Variants in RTTN observed in about 807,000 individuals in gnomAD.
RTTN encodes the protein rotatin.
RTTN carries 182 observed loss-of-function variants against 269.2 expected under a neutral mutation model. The observed-to-expected ratio is 0.68, with a 90% CI of 0.60 to 0.76. RTTN has a LOEUF of 0.76. Ranked by LOEUF, RTTN falls within the 30% of genes least tolerant of loss-of-function variation. The pLI, the probability that RTTN is intolerant of heterozygous loss-of-function variation, is 0.00. For synonymous variants in RTTN, 1,006 were observed against 963.5 expected (o/e 1.04, Z -0.82); for missense variants, 2,545 against 2,608.6 (o/e 0.98, Z 0.53).
rs1031981118 is a variant in RTTN, at chr18:70,173,955, T to C, written c.1476+2720A>G. Among the ~76,000 whole-genome samples, 9 of 152,190 alleles carry C rather than the reference T, an allele frequency of 5.9e-5. No homozygotes were observed. The South Asian group carries it at 1.2e-3, about 21-fold the overall frequency. On this transcript the variant is annotated intron_variant, in intron 11 of 48. Transcript: ENST00000640769. ...TTAAACAACATTCAAAACAGGCCAA[T>C]TGATCTATAGTGACAGAAGTCAGAA...
intron 18 of RTTN, among the ~76,000 whole-genome samples, chr18:70,145,064 T>C (rs768952659): frequency 1.3e-5 from 2 of 152,222 alleles, no homozygotes; most frequent in African/African-American, 4.8e-5. Context: ...CTCCACCTCC[T>C]GTCAGATCAG....
At chr18:70,005,987 C>T (rs1467925217) in intron 47 of RTTN, 1 of 161,888 alleles carries the variant, frequency 6.2e-6, no homozygotes, top group Admixed American at 6.2e-5. Flanking sequence ...TGCAGTCGTA[C>T]AAGAACTGAG....
intron 12 of RTTN, 64 bp downstream of exon 12, chr18:70,168,791 G>T: frequency 8.2e-7 from 1 of 1,223,382 alleles, no homozygotes; most frequent in Non-Finnish European, 1.2e-6. Flanking sequence ...AATTTGAAAA[G>T]TATAGATTAA....
rs541090043 is a variant in RTTN, at chr18:70,067,313, C to T, written c.4654-1391G>A. 3.1e-4 allele frequency among the ~76,000 whole-genome samples: 47 copies of T among 152,232 alleles called. No homozygotes were observed. In the East Asian group the frequency reaches 8.1e-3, roughly 26 times the overall value. ...TAGCTGGGACTACAGGCGCCCGCCACCACGCCCGGCTAATTTTTTGTATTT... is the reference window on the plus strand; with the variant it reads ...TAGCTGGGACTACAGGCGCCCGCCATCACGCCCGGCTAATTTTTTGTATTT... On this transcript the variant is annotated intron_variant, in intron 34 of 48. Transcript: ENST00000640769.
chr18:70,094,742 G>A (rs1335155658), intron 28 of RTTN, among the ~76,000 whole-genome samples: 1 of 152,166 alleles, frequency 6.6e-6, no homozygotes, highest in African/African-American at 2.4e-5. Context: ...ATGTGGTGCT[G>A]AGAAGAATGT....
chr18:70,075,564 G>A, intron 32 of RTTN, 23 bp from the exon 33 acceptor site: 1 of 1,524,514 alleles, frequency 6.6e-7, no homozygotes, highest in Admixed American at 2.4e-5. Context: ...AGGGAAAGAA[G>A]GAGGAGACAC....
chr18:70,147,779 T>A (rs985352531), intron 17 of RTTN, among the ~76,000 whole-genome samples: 4 of 152,146 alleles, frequency 2.6e-5, no homozygotes, highest in African/African-American at 7.2e-5. Context: ...TGCCTTAGAA[T>A]GTCTTTATTA....
At chr18:70,147,482 A>T (rs906044900) in intron 17 of RTTN, among the ~76,000 whole-genome samples, 22 of 152,142 alleles carry the variant, frequency 1.4e-4, no homozygotes, top group African/African-American at 5.3e-4. Flanking sequence ...CAAGGACAAA[A>T]TCACCTAACA....
intron 26 of RTTN, among the ~76,000 whole-genome samples, chr18:70,120,031 G>C (rs2059695564): frequency 6.6e-6 from 1 of 152,156 alleles, no homozygotes; most frequent in African/African-American, 2.4e-5. Flanking sequence ...AGTATTGAGA[G>C]GTGGGGCCTT....
chr18:70,159,074 C>T (rs936804833), intron 14 of RTTN, among the ~76,000 whole-genome samples: 4 of 152,176 alleles, frequency 2.6e-5, no homozygotes, highest in Admixed American at 1.3e-4. Context: ...CTAAACTCGA[C>T]ACCTGACCAA....
intron 10 of RTTN, among the ~76,000 whole-genome samples, chr18:70,180,751 T>C (rs1437909210): frequency 6.6e-6 from 1 of 152,188 alleles, no homozygotes; most frequent in Admixed American, 6.5e-5. Flanking sequence ...AGGGTCATGA[T>C]AATTAAATGA....
At position 70,168,753 on chromosome 18, in the gene RTTN, C is replaced by A. The variant is rs2061057481; in HGVS notation, c.1689+102G>T. The A allele has an allele frequency of 7.1e-6, 6 of 844,504 alleles. No homozygotes were observed. In the South Asian group the frequency reaches 1.1e-4, roughly 15 times the overall value. 52.3% of individuals were successfully genotyped at this position (844,504 alleles called of 1,614,324 possible). ...ACCCACTCAGGAATAATGTATCCCA[C>A]CTGTGACAATTTAATTATATGTCCA... On this transcript the variant is annotated intron_variant, in intron 12 of 48. Transcript: ENST00000640769.
intron 8 of RTTN, chr18:70,192,966 A>G (rs1032135543): frequency 2.9e-5 from 6 of 204,770 alleles, no homozygotes; most frequent in African/African-American, 1.4e-4. Context: ...AATATAGTTC[A>G]GTGTGTCAAA....
Position 70,197,687 on chromosome 18 carries a change from C to A in RTTN, c.630G>T (p.Leu210Phe). ...HTLIWNTCEL[L>F]KDVIMQDFPA... ...GAAAATCTTGCATGATAACATCCTTCAATAGTTCACAGGTGTTCCAGATTA... is the reference window on the plus strand; with the variant it reads ...GAAAATCTTGCATGATAACATCCTTAAATAGTTCACAGGTGTTCCAGATTA... The change falls in exon 6 of 49, where the codon TTG becomes TTT. Residue 210 changes from leucine (L) to phenylalanine (F), a missense_variant. Transcript: ENST00000640769. The A allele has an allele frequency of 6.2e-7, 1 of 1,613,890 alleles. No individual in the cohort carries two copies.
intron 32 of RTTN, among the ~76,000 whole-genome samples, chr18:70,077,984 C>A (rs2058471635): frequency 6.6e-6 from 1 of 150,680 alleles, no homozygotes; most frequent in Admixed American, 6.6e-5. Flanking sequence ...ATATAACACA[C>A]AAAAAAAGGA....
intron 23 of RTTN, chr18:70,131,649 C>G (rs1020099215): frequency 6.6e-6 from 1 of 151,600 alleles, no homozygotes; most frequent in African/African-American, 2.4e-5. Context: ...CAAGACTAGC[C>G]TGGGCAACAA....
At chr18:70,057,959 A>G in intron 36 of RTTN, 127 bp from the exon 37 acceptor site, 1 of 569,714 alleles carries the variant, frequency 1.8e-6, no homozygotes, top group Admixed American at 3.3e-5. Context: ...TTTATAAGCA[A>G]AGAAAATGTT....
chr18:70,156,301 C>A lies in RTTN; in HGVS notation c.1930-5568G>T, dbSNP rs187798936. 7.1e-3 allele frequency among the ~76,000 whole-genome samples: 1,080 copies of A among 152,146 alleles called. 10 individuals are homozygous for A. The highest frequency in any genetic ancestry group is 0.024 in the African/African-American group (1,015 of 41,494). On this transcript the variant is annotated intron_variant, in intron 14 of 48. Coordinates refer to ENST00000640769, the MANE Select transcript of RTTN (RefSeq NM_173630.4). The stretch of plus-strand genomic sequence containing the variant: ...CTTGGGTGTGGCCGTCTTCTATGGT[C>A]GAGACTGTAGGGGTGAAATAAGCCC...
intron 44 of RTTN, among the ~76,000 whole-genome samples, chr18:70,022,887 T>C (rs1212224764): frequency 6.6e-6 from 1 of 150,812 alleles, no homozygotes; most frequent in East Asian, 2.0e-4. Flanking sequence ...TGGTCATGGG[T>C]TTCTGCTTCT....
Sources: allele counts gnomAD v4.1 joint callset (sites outside exome capture counted in the v4.1 genomes callset), GRCh38; gene constraint gnomAD v4.1.1; transcripts MANE v1.5; gene names NCBI Gene and HGNC (gene_info 2026-07-23, HGNC 2026-07-21).